The following KCNK5 variants were observed in gnomAD, a reference collection of about 807,000 sequenced individuals.
KCNK5 encodes the protein potassium channel subfamily K member 5.
In KCNK5, 18 loss-of-function variants were observed where a neutral mutation model predicts 32.9. The ratio of observed to expected loss-of-function variants is 0.55; its 90% confidence interval spans 0.38 to 0.81. KCNK5 has a LOEUF of 0.81. KCNK5 is among the 30% of genes least tolerant of loss of function. The pLI is 0.00. For synonymous variants in KCNK5, 276 were observed against 275.3 expected (o/e 1.00, Z -0.03); for missense variants, 507 against 651.0 (o/e 0.78, Z 2.41).
rs1770947395 is a variant in KCNK5, at chr6:39,191,983, C to T, written c.635-228G>A. Among the ~76,000 whole-genome samples the T allele has an allele frequency of 1.3e-5, 2 of 152,104 alleles. No individual in the cohort carries two copies. Among genetic ancestry groups the T allele is most frequent in the South Asian group, 2.1e-4 (1 of 4,818 alleles). ...CAGTCTCCAGCCTGTCTCTGAGTCT[C>T]GGTTTCCTCAACTAGAAACGTCAAG... On this transcript the variant is annotated intron_variant, in intron 4 of 4. Transcript: ENST00000359534. The surrounding 1 kb of genome is among the most constrained non-coding windows in gnomAD (Gnocchi z 5.8).
At chr6:39,207,041 A>G (rs1326372887) in intron 1 of KCNK5, among the ~76,000 whole-genome samples, 1 of 152,158 alleles carries the variant, frequency 6.6e-6, no homozygotes, top group Non-Finnish European at 1.5e-5. Flanking sequence ...GTTGACAGCA[A>G]TGCCCTCCTT....
Position 39,191,240 on chromosome 6 carries a change from T to C in KCNK5, c.1150A>G (p.Ser384Gly). 2 of 1,614,158 alleles carry C rather than the reference T, an allele frequency of 1.2e-6. No homozygotes were observed. Among genetic ancestry groups the C allele is most frequent in the Non-Finnish European group, 1.7e-6 (2 of 1,180,032 alleles). Residue 384 changes from serine (S) to glycine (G), a missense_variant, in exon 5 of 5, where the codon AGC becomes GGC. By Grantham distance (56) the Ser-to-Gly change is moderately conservative. Transcript: ENST00000359534. This position sits in a 1 kb window ranked among gnomAD's most constrained non-coding sequence, Gnocchi z 5.8. The part of the protein sequence containing the change: ...EEAVARAPED[S>G]SPAPEVFMNQ... ...ATGAACACCTCGGGGGCAGGGGAGC[T>C]GTCTTCAGGGGCCCGTGCCACAGCC...
rs1050592169 is a variant in KCNK5 at position 39,194,423 on chromosome 6, G to C, written c.466-86C>G. The C allele has an allele frequency of 1.3e-6, 2 of 1,490,216 alleles. No individual in the cohort carries two copies. The highest frequency in any genetic ancestry group is 1.8e-6 in the Non-Finnish European group (2 of 1,100,630). The allele number at this position is 1,490,216 out of a possible 1,614,324, so 92.3% of individuals were successfully genotyped here. On this transcript the variant is annotated intron_variant, in intron 3 of 4. Transcript: ENST00000359534. This position sits in a 1 kb window ranked among gnomAD's most constrained non-coding sequence, Gnocchi z 4.7. ...ACCCAGAGGGCCAGGGAGGCAGCTA[G>C]AGGAGAAGCTAGCTGGGTACCCAGC...
intron 1 of KCNK5, among the ~76,000 whole-genome samples, chr6:39,216,347 G>A (rs1771436890): frequency 6.6e-6 from 1 of 152,154 alleles, no homozygotes. Flanking sequence ...TCAGAAAACA[G>A]CAGTACTTTG....
chr6:39,190,964 C>A lies in KCNK5; in HGVS notation c.1426G>T (p.Glu476Ter). ...SSSESTFTST[E>*]SELSVPYEQL... is the part of the protein sequence containing the mutation. ...TCGTAAGGCACAGAGAGCTCAGACT[C>A]AGTGCTGGTGAAGGTGGACTCGGAG... The change falls in exon 5 of 5, where the codon GAG (glutamate) becomes TAG (stop). Residue 476 changes from glutamate to a stop codon, truncating the protein, a stop_gained. Coordinates refer to ENST00000359534, the MANE Select transcript of KCNK5 (RefSeq NM_003740.4). LOFTEE classifies it high-confidence loss of function. 1 of 1,534,834 alleles carries A rather than the reference C, an allele frequency of 6.5e-7. No individual in the cohort carries two copies. The highest frequency in any genetic ancestry group is 1.3e-5 in the South Asian group (1 of 77,102).
In KCNK5 at chr6:39,190,928, T is replaced by A; in HGVS notation, c.1462A>T (p.Asn488Tyr). 6.7e-7 allele frequency: 1 copy of A among 1,488,444 alleles called. No homozygotes were observed. The highest frequency in any genetic ancestry group is 1.4e-5 in the South Asian group (1 of 70,634). The allele number at this position is 1,488,444 out of a possible 1,614,324, so 92.2% of individuals were successfully genotyped here. The change falls in exon 5 of 5, where the codon AAT (asparagine) becomes TAT (tyrosine). Residue 488 changes from asparagine (N) to tyrosine (Y), a missense_variant. Around this residue, in one of 6 missense-constraint regions of KCNK5, gnomAD observed 252 missense variants for 250.8 expected, o/e 1.00. Coordinates refer to ENST00000359534, the MANE Select transcript of KCNK5 (RefSeq NM_003740.4). Reference sequence around the variant, plus strand: ...GGGCTGTTAGCCTTGTTGTACTCATTCATCAGCTGTTCGTAAGGCACAGAG... The same window carrying A: ...GGGCTGTTAGCCTTGTTGTACTCATACATCAGCTGTTCGTAAGGCACAGAG... ...ELSVPYEQLM[N>Y]EYNKANSPKG... is the part of the protein sequence containing the mutation.
chr6:39,190,634 T>G lies in KCNK5; in HGVS notation c.*256A>C. 2.7e-6 allele frequency: 1 copy of G among 375,934 alleles called. No individual in the cohort carries two copies. The highest frequency in any genetic ancestry group is 4.7e-6 in the Non-Finnish European group (1 of 211,338). The allele number at this position is 375,934 out of a possible 1,614,324, so 23.3% of individuals were successfully genotyped here. On this transcript the variant is annotated 3_prime_UTR_variant, in exon 5 of 5. Coordinates refer to ENST00000359534, the MANE Select transcript of KCNK5 (RefSeq NM_003740.4). The stretch of plus-strand genomic sequence containing the variant: ...ACCTGTCCCGCCAGCCAGCATGTCT[T>G]TGCATTGTGAGATACACCAGCCAAG...
intron 4 of KCNK5, among the ~76,000 whole-genome samples, chr6:39,193,555 G>A (rs1770978359): frequency 1.3e-5 from 2 of 152,248 alleles, no homozygotes; most frequent in Non-Finnish European, 1.5e-5. Flanking sequence ...ATGTGTGGCT[G>A]GGGCCAGCTG....
chr6:39,204,298 C>A (rs756641996), intron 1 of KCNK5, among the ~76,000 whole-genome samples: 7 of 152,238 alleles, frequency 4.6e-5, no homozygotes, highest in Non-Finnish European at 1.0e-4. Flanking sequence ...CCTAAAAACC[C>A]AGGCTCAGCT....
At position 39,191,340 on chromosome 6, in the gene KCNK5, G is replaced by A. The variant is rs763255429; in HGVS notation, c.1050C>T (p.Asn350=). Residue 350 remains asparagine, a synonymous_variant, in exon 5 of 5, where the codon AAC becomes AAT. Transcript: ENST00000359534. This position sits in a 1 kb window ranked among gnomAD's most constrained non-coding sequence, Gnocchi z 5.8. The part of the protein sequence containing the change: ...SLVPLVVYSK[N]RVPTLEEVSQ... The stretch of plus-strand genomic sequence containing the variant: ...ACACCTCTTCCAAGGTGGGCACCCG[G>A]TTCTTGGAGTAGACTACCAGGGGCA... 22 of 1,613,804 alleles carry A rather than the reference G, an allele frequency of 1.4e-5. No homozygotes were observed. Among genetic ancestry groups the A allele is most frequent in the Non-Finnish European group, 1.6e-5 (19 of 1,180,028 alleles).
At chr6:39,217,132 A>AAAAAAAAAAAAG (rs1562057366) in intron 1 of KCNK5, among the ~76,000 whole-genome samples, 3 of 135,826 alleles carry the variant, frequency 2.2e-5, no homozygotes, top group Non-Finnish European at 4.7e-5. Flanking sequence ...AAAAAAAAAA[A>AAAAAAAAAAAAG]AAAAAAAAAA....
At chr6:39,200,623 C>A (rs890337948) in intron 1 of KCNK5, among the ~76,000 whole-genome samples, 4 of 152,168 alleles carry the variant, frequency 2.6e-5, no homozygotes, top group Non-Finnish European at 5.9e-5. Flanking sequence ...TGTGCATACT[C>A]CCACCCACTT....
chr6:39,224,362 G>C (rs147461507), intron 1 of KCNK5, among the ~76,000 whole-genome samples: 1 of 152,004 alleles, frequency 6.6e-6, no homozygotes, highest in East Asian at 1.9e-4. Context: ...AGACAAAGAG[G>C]GTGTTTATAT....
At chr6:39,203,128 G>A (rs1220729926) in intron 1 of KCNK5, among the ~76,000 whole-genome samples, 1 of 152,202 alleles carries the variant, frequency 6.6e-6, no homozygotes, top group African/African-American at 2.4e-5. Context: ...TGGACAAGCA[G>A]TAGAGAAGGA....
chr6:39,226,963 C>CT (rs1406800331), intron 1 of KCNK5, among the ~76,000 whole-genome samples: 3 of 151,930 alleles, frequency 2.0e-5, no homozygotes, highest in Non-Finnish European at 4.4e-5. Context: ...CTGCCCATTA[C>CT]TTTTTTTTGG....
At chr6:39,215,517 A>T (rs1258315185) in intron 1 of KCNK5, among the ~76,000 whole-genome samples, 1 of 152,210 alleles carries the variant, frequency 6.6e-6, no homozygotes, top group Non-Finnish European at 1.5e-5. Flanking sequence ...TGGGGGCATG[A>T]GAGGAGCAGG....
intron 1 of KCNK5, among the ~76,000 whole-genome samples, chr6:39,196,194 C>T (rs1247038142): frequency 6.6e-6 from 1 of 152,196 alleles, no homozygotes; most frequent in African/African-American, 2.4e-5. Context: ...CCCAGGCAAT[C>T]TGGCTCCAAA....
chr6:39,212,870 T>C (rs1246942920), intron 1 of KCNK5, among the ~76,000 whole-genome samples: 1 of 152,342 alleles, frequency 6.6e-6, no homozygotes, highest in East Asian at 1.9e-4. Flanking sequence ...CCAAGGAAGC[T>C]AGCAGTCTGC....
At chr6:39,216,802 C>T (rs1038313693) in intron 1 of KCNK5, among the ~76,000 whole-genome samples, 9 of 152,116 alleles carry the variant, frequency 5.9e-5, no homozygotes, top group South Asian at 2.1e-4. Flanking sequence ...TCAGTGGATA[C>T]GAACGTTGAG....
Sources: gnomAD v4.1 joint callset for allele counts (sites outside exome capture counted in the v4.1 genomes callset) on GRCh38, gnomAD v4.1.1 for gene constraint, gnomAD v4.1.1 regional missense constraint, Gnocchi (gnomAD v3.1) non-coding constraint, MANE v1.5 for transcripts, NCBI Gene and HGNC (gene_info 2026-07-23, HGNC 2026-07-21) for gene names.